Variants in MCTP2 observed in about 807,000 individuals in gnomAD.
MCTP2 encodes multiple C2 and transmembrane domain containing 2, also known as multiple C2 and transmembrane domain-containing protein 2.
A neutral mutation model predicts 111.6 loss-of-function variants in MCTP2; 132 were observed. The observed-to-expected ratio is 1.18, with a 90% CI of 1.03 to 1.37. The LOEUF (loss-of-function observed/expected upper bound fraction) is 1.37. Among genes scored for constraint, MCTP2 ranks in the 40% most tolerant of loss-of-function variants. The probability of loss-of-function intolerance (pLI) is 0.00; values close to 1 mark genes in which losing one functional copy is unlikely to be tolerated. For missense variants in MCTP2, 1,183 were observed against 1,067.9 expected (o/e 1.11, Z -1.50); for synonymous variants, 395 against 387.7 (o/e 1.02, Z -0.22).
Position 94,263,178 on chromosome 15 carries a change from A to C in MCTP2, c.-66+31514A>C, listed in dbSNP as rs144431077. On this transcript the variant is annotated intron_variant, in intron 1 of 22. Transcript: ENST00000357742. The stretch of plus-strand genomic sequence containing the variant: ...ATAGACTCGTGACTTTGTGTCCATA[A>C]ACCTGTTTAGTAAGCAGAGAAGGAT... Among the ~76,000 whole-genome samples, 66 of 152,292 alleles carry C rather than the reference A, an allele frequency of 4.3e-4. No individual in the cohort carries two copies. In the East Asian group the frequency reaches 0.011, roughly 25 times the overall value.
chr15:94,371,807 G>GCAAATCTCCTGGCTTCAAGCAAA (rs1399947591), intron 12 of MCTP2, among the ~76,000 whole-genome samples: 9 of 152,202 alleles, frequency 5.9e-5, no homozygotes, highest in Non-Finnish European at 1.0e-4. Context: ...TCCTGCCTCA[G>GCAAATCTCCTGGCTTCAAGCAAA]TCTCCCCAGT....
At chr15:94,347,796 A>G (rs991400314) in intron 8 of MCTP2, among the ~76,000 whole-genome samples, 2 of 152,198 alleles carry the variant, frequency 1.3e-5, no homozygotes, top group Non-Finnish European at 2.9e-5. Context: ...CAAATAGTCT[A>G]ATATAAAGAC....
At chr15:94,454,221 TAAC>T (rs1311495073) in intron 19 of MCTP2, among the ~76,000 whole-genome samples, 1 of 152,224 alleles carries the variant, frequency 6.6e-6, no homozygotes, top group African/African-American at 2.4e-5. Context: ...GAGAATCATT[TAAC>T]TTTATAATGA....
intron 10 of MCTP2, among the ~76,000 whole-genome samples, chr15:94,360,647 G>T (rs904190887): frequency 6.6e-6 from 1 of 152,132 alleles, no homozygotes; most frequent in Non-Finnish European, 1.5e-5. Flanking sequence ...GTGCTGTCAT[G>T]CTTCCTTCAC....
intron 1 of MCTP2, among the ~76,000 whole-genome samples, chr15:94,260,753 C>T (rs1021031347): frequency 2.6e-5 from 4 of 152,076 alleles, no homozygotes; most frequent in Admixed American, 6.5e-5. Flanking sequence ...TAAGGCCCTC[C>T]AACCATCTGA....
chr15:94,264,495 G>A (rs1016650596), intron 1 of MCTP2, among the ~76,000 whole-genome samples: 1 of 152,018 alleles, frequency 6.6e-6, no homozygotes, highest in Non-Finnish European at 1.5e-5. Context: ...TGTAGTCCCA[G>A]CTACTCGGGA....
intron 15 of MCTP2, 158 bp from the exon 16 acceptor site, chr15:94,399,763 A>G (rs931672322): frequency 1.1e-5 from 7 of 630,230 alleles, no homozygotes; most frequent in Non-Finnish European, 1.7e-5. Context: ...ACCTCCAGAA[A>G]CATGTACAGG....
At chr15:94,376,896 A>G (rs896069842) in intron 12 of MCTP2, among the ~76,000 whole-genome samples, 7 of 152,226 alleles carry the variant, frequency 4.6e-5, no homozygotes, top group Non-Finnish European at 8.8e-5. Flanking sequence ...TTTTATTAGT[A>G]TAAAATAGCT....
At chr15:94,331,797 C>G (rs558983214) in intron 4 of MCTP2, among the ~76,000 whole-genome samples, 1 of 152,094 alleles carries the variant, frequency 6.6e-6, no homozygotes, top group South Asian at 2.1e-4. Context: ...CATGGCAGGT[C>G]CATTTAGAGG....
At chr15:94,318,676 A>G (rs185120629) in intron 4 of MCTP2, among the ~76,000 whole-genome samples, 1 of 151,992 alleles carries the variant, frequency 6.6e-6, no homozygotes, top group Non-Finnish European at 1.5e-5. Flanking sequence ...TTTCTCCCTC[A>G]CTGCTGTCAG....
chr15:94,455,471 C>T (rs1392799542), intron 19 of MCTP2, among the ~76,000 whole-genome samples: 1 of 151,936 alleles, frequency 6.6e-6, no homozygotes, highest in Non-Finnish European at 1.5e-5. Context: ...CGGAGTCTCG[C>T]TCTGTCGCCA....
At chr15:94,366,283 A>G (rs1417248669) in intron 10 of MCTP2, among the ~76,000 whole-genome samples, 1 of 152,220 alleles carries the variant, frequency 6.6e-6, no homozygotes. Context: ...TGAATTTATT[A>G]CATGCAAAAG....
intron 2 of MCTP2, among the ~76,000 whole-genome samples, chr15:94,308,945 C>T (rs780892392): frequency 1.3e-5 from 2 of 152,146 alleles, no homozygotes; most frequent in African/African-American, 2.4e-5. Flanking sequence ...CACACACACA[C>T]GATTCAGATT....
At chr15:94,449,862 A>C (rs1047731898) in intron 19 of MCTP2, among the ~76,000 whole-genome samples, 1 of 152,210 alleles carries the variant, frequency 6.6e-6, no homozygotes, top group African/African-American at 2.4e-5. Context: ...ATATTTATCT[A>C]CAGTAGTTAC....
At chr15:94,376,542 G>A (rs1035927542) in intron 12 of MCTP2, among the ~76,000 whole-genome samples, 1 of 152,148 alleles carries the variant, frequency 6.6e-6, no homozygotes, top group Non-Finnish European at 1.5e-5. Flanking sequence ...CTAAATGAAC[G>A]TGCCTGATAT....
intron 19 of MCTP2, among the ~76,000 whole-genome samples, chr15:94,448,053 C>G (rs1382422576): frequency 6.6e-6 from 1 of 152,146 alleles, no homozygotes; most frequent in Non-Finnish European, 1.5e-5. Context: ...GGATTCCAGC[C>G]AATTCTTAAT....
At chr15:94,341,042 G>A (rs766427215) in intron 7 of MCTP2, 118 bp downstream of exon 7, 4 of 682,590 alleles carry the variant, frequency 5.9e-6, no homozygotes, top group East Asian at 2.7e-5. Flanking sequence ...TTTTAGGGGG[G>A]GTGCAACATT....
intron 2 of MCTP2, among the ~76,000 whole-genome samples, chr15:94,300,481 G>A (rs2075555739): frequency 6.9e-6 from 1 of 145,006 alleles, no homozygotes; most frequent in South Asian, 2.2e-4. Context: ...CTGCACTCCA[G>A]CCTGGGTGAC....
intron 12 of MCTP2, among the ~76,000 whole-genome samples, chr15:94,377,824 G>A (rs897355076): frequency 5.3e-5 from 8 of 152,140 alleles, no homozygotes; most frequent in African/African-American, 1.4e-4. Flanking sequence ...TAGCAGCGAT[G>A]TCAAATAGAG....
Sources: gnomAD v4.1 joint callset for allele counts (sites outside exome capture counted in the v4.1 genomes callset) on GRCh38, gnomAD v4.1.1 for gene constraint, MANE v1.5 for transcripts, NCBI Gene and HGNC (gene_info 2026-07-23, HGNC 2026-07-21) for gene names.